Variants in CDC73 observed in about 807,000 individuals in gnomAD.
The protein encoded by CDC73 is parafibromin.
A neutral mutation model predicts 83.7 loss-of-function variants in CDC73; 21 were observed. The observed-to-expected ratio is 0.25, with a 90% confidence interval of 0.18 to 0.36. CDC73 has a LOEUF of 0.36. Among genes scored for constraint, CDC73 ranks in the 10% least tolerant of loss-of-function variants. The pLI, the probability that CDC73 is intolerant of heterozygous loss-of-function variation, is 1.00. For synonymous variants in CDC73, 224 were observed against 212.9 expected, an observed-to-expected ratio of 1.05 and a Z score of -0.45; for missense variants, 342 against 653.3, an observed-to-expected ratio of 0.52 and a Z score of 5.19.
intron 10 of CDC73, among the ~76,000 whole-genome samples, chr1:193,158,601 A>G (rs1306174590): frequency 6.6e-6 from 1 of 152,020 alleles, no homozygotes; most frequent in African/African-American, 2.4e-5. Context: ...TTACTTTTAT[A>G]AAATGTTTTT....
At chr1:193,236,189 TA>T in intron 14 of CDC73, 66 bp from the exon 15 acceptor site, 1 of 944,970 alleles carries the variant, frequency 1.1e-6, no homozygotes, top group Non-Finnish European at 1.8e-6. Context: ...TTATAGTAGC[TA>T]AAGCTCAAGT....
chr1:193,140,213 T>A (rs1347188313), intron 6 of CDC73, among the ~76,000 whole-genome samples: 3 of 152,234 alleles, frequency 2.0e-5, no homozygotes, highest in Admixed American at 1.3e-4. Context: ...AGGGAATTAC[T>A]GTCCTTCATT....
intron 13 of CDC73, among the ~76,000 whole-genome samples, chr1:193,226,964 T>C (rs1677576826): frequency 6.6e-6 from 1 of 152,158 alleles, no homozygotes; most frequent in South Asian, 2.1e-4. Context: ...TTTTTGTTGG[T>C]AATTTTTAAA....
At chr1:193,125,911 C>T (rs1260838112) in intron 2 of CDC73, among the ~76,000 whole-genome samples, 1 of 152,070 alleles carries the variant, frequency 6.6e-6, no homozygotes, top group Non-Finnish European at 1.5e-5. Context: ...ACTTTTTAAT[C>T]TGTGATATTT....
chr1:193,194,938 A>G (rs1460234240), intron 10 of CDC73, among the ~76,000 whole-genome samples: 1 of 152,140 alleles, frequency 6.6e-6, no homozygotes, highest in Admixed American at 6.5e-5. Flanking sequence ...GTGTATGTAC[A>G]TATACACACA....
At chr1:193,240,438 T>C (rs1241178561) in intron 15 of CDC73, among the ~76,000 whole-genome samples, 1 of 152,220 alleles carries the variant, frequency 6.6e-6, no homozygotes, top group African/African-American at 2.4e-5. Context: ...ATCTTCATAC[T>C]GTTTGCCATA....
intron 13 of CDC73, among the ~76,000 whole-genome samples, chr1:193,213,430 A>G (rs763288877): frequency 2.0e-5 from 3 of 151,926 alleles, no homozygotes; most frequent in Non-Finnish European, 4.4e-5. Flanking sequence ...ATTCAGCTAA[A>G]TACCATTGCC....
rs114051166 is a variant in CDC73 at position 193,215,777 on chromosome 1, A to G, written c.1154+3300A>G. Among the ~76,000 whole-genome samples the G allele has an allele frequency of 7.6e-3, 1,154 of 152,044 alleles. 11 individuals carry two copies. The highest frequency in any genetic ancestry group is 0.017 in the Middle Eastern group (5 of 294). On this transcript the variant is annotated intron_variant, in intron 13 of 16. Coordinates refer to ENST00000367435, the MANE Select transcript of CDC73 (RefSeq NM_024529.5). ...GCAAATTTTTGTATTTTTTGTAGAG[A>G]CTGGGCTTAGCCATGTTGCCCAGGC...
At chr1:193,134,392 C>T (rs1339825078) in intron 3 of CDC73, among the ~76,000 whole-genome samples, 4 of 152,040 alleles carry the variant, frequency 2.6e-5, no homozygotes, top group Non-Finnish European at 5.9e-5. Flanking sequence ...TAAAGAGGGC[C>T]GGGCACAGTG....
At chr1:193,153,236 C>G (rs963841977) in intron 10 of CDC73, among the ~76,000 whole-genome samples, 1 of 151,908 alleles carries the variant, frequency 6.6e-6, no homozygotes, top group African/African-American at 2.4e-5. Flanking sequence ...ATGGTTATTT[C>G]TATATATTCT....
At chr1:193,197,142 T>A (rs1677015243) in intron 10 of CDC73, among the ~76,000 whole-genome samples, 1 of 152,222 alleles carries the variant, frequency 6.6e-6, no homozygotes, top group African/African-American at 2.4e-5. Context: ...AATGTTTTAA[T>A]GAAAGAGTAT....
At chr1:193,128,629 CA>C (rs1675630371) in intron 2 of CDC73, among the ~76,000 whole-genome samples, 1 of 151,958 alleles carries the variant, frequency 6.6e-6, no homozygotes, top group Admixed American at 6.6e-5. Context: ...AGAATACAAG[CA>C]CAAAAAAACT....
At chr1:193,237,493 A>G (rs1677781940) in intron 15 of CDC73, among the ~76,000 whole-genome samples, 1 of 152,152 alleles carries the variant, frequency 6.6e-6, no homozygotes, top group South Asian at 2.1e-4. Flanking sequence ...GCCTGATAGC[A>G]AAGATTAGAT....
intron 13 of CDC73, among the ~76,000 whole-genome samples, chr1:193,222,067 A>T (rs949456762): frequency 6.6e-6 from 1 of 152,240 alleles, no homozygotes; most frequent in African/African-American, 2.4e-5. Context: ...ACCCTTTAAC[A>T]TGCTAACAAA....
chr1:193,186,543 T>A (rs780379297), intron 10 of CDC73: 1 of 152,540 alleles, frequency 6.6e-6, no homozygotes, highest in Non-Finnish European at 1.5e-5. Context: ...GCAGTTTTAA[T>A]GGGGTTTTAG....
rs557806312 is a variant in CDC73, at chr1:193,189,120, ATTG to A, written c.973-14670_973-14668del. On this transcript the variant is annotated intron_variant, in intron 10 of 16. Coordinates refer to ENST00000367435, the MANE Select transcript of CDC73 (RefSeq NM_024529.5). ...AGGCGTGTGCCACCACACCCGGCTAATTGTTGTATTTTTACTAGAAGTGAGGTT... is the reference window on the plus strand; with the variant it reads ...AGGCGTGTGCCACCACACCCGGCTAATTGTATTTTTACTAGAAGTGAGGTT... Among the ~76,000 whole-genome samples, 267 of 152,106 alleles carry A rather than the reference ATTG, an allele frequency of 1.8e-3. 1 individual carries two copies. Among genetic ancestry groups the A allele is most frequent in the Admixed American group, 2.9e-3 (44 of 15,276 alleles).
At chr1:193,181,163 A>G in intron 10 of CDC73, 1 of 1,613,944 alleles carries the variant, frequency 6.2e-7, no homozygotes, top group Non-Finnish European at 8.5e-7. Context: ...TTGAAATGGT[A>G]AGAATTTGGA....
intron 5 of CDC73, among the ~76,000 whole-genome samples, chr1:193,135,997 TAGTTGGGACTGC>T (rs912667959): frequency 6.6e-6 from 1 of 151,676 alleles, no homozygotes; most frequent in African/African-American, 2.4e-5. Context: ...GCCTCCCGAG[TAGTTGGGACTGC>T]AGGTGCCTGC....
intron 10 of CDC73, among the ~76,000 whole-genome samples, chr1:193,184,719 G>A (rs189097202): frequency 1.0e-3 from 152 of 151,976 alleles, no homozygotes; most frequent in African/African-American, 3.4e-3. Context: ...TACCAAGAGG[G>A]ACTTGAAATT....
Sources: allele counts gnomAD v4.1 joint callset (sites outside exome capture counted in the v4.1 genomes callset), GRCh38; gene constraint gnomAD v4.1.1; transcripts MANE v1.5; gene names NCBI Gene and HGNC (gene_info 2026-07-23, HGNC 2026-07-21).